The following TBC1D30 variants were observed in gnomAD, a reference collection of about 807,000 sequenced individuals.
TBC1D30 encodes the protein TBC1 domain family, member 30.
TBC1D30 carries 31 observed loss-of-function variants against 63.2 expected under a neutral mutation model. That is an observed-to-expected ratio of 0.49 (90% CI 0.37 to 0.66). The LOEUF is 0.66. Ranked by LOEUF, TBC1D30 falls within the 30% of genes least tolerant of loss-of-function variation. TBC1D30 has a pLI of 0.00. For synonymous variants in TBC1D30, 307 were observed against 361.5 expected (o/e 0.85, Z 1.71); for missense variants, 810 against 953.6 (o/e 0.85, Z 1.98).
intron 8 of TBC1D30, among the ~76,000 whole-genome samples, chr12:64,855,595 A>C (rs894000978): frequency 6.6e-6 from 1 of 152,108 alleles, no homozygotes; most frequent in Admixed American, 6.5e-5. Context: ...TACTTGATCA[A>C]TTCTGCTATT....
intron 8 of TBC1D30, among the ~76,000 whole-genome samples, chr12:64,862,612 C>T (rs567479045): frequency 4.2e-4 from 64 of 152,228 alleles, no homozygotes; most frequent in African/African-American, 1.5e-3. Context: ...TTACTGATAC[C>T]TTGTTACAAA....
intron 8 of TBC1D30, among the ~76,000 whole-genome samples, chr12:64,854,615 C>T (rs1877147423): frequency 6.6e-6 from 1 of 151,966 alleles, no homozygotes; most frequent in Non-Finnish European, 1.5e-5. Context: ...CTGCCTCAGC[C>T]TCCTGAGTAG....
intron 1 of TBC1D30, among the ~76,000 whole-genome samples, chr12:64,774,294 A>G (rs757413562): frequency 3.9e-5 from 6 of 152,230 alleles, no homozygotes; most frequent in Non-Finnish European, 7.3e-5. Flanking sequence ...AGATTATGTA[A>G]AGAGACTGAA....
chr12:64,802,338 G>T (rs1015610439), intron 2 of TBC1D30, among the ~76,000 whole-genome samples: 7 of 152,082 alleles, frequency 4.6e-5, no homozygotes, highest in Non-Finnish European at 7.4e-5. Context: ...GGGCCCTCGA[G>T]CTCTGGGTGG....
intron 10 of TBC1D30, among the ~76,000 whole-genome samples, chr12:64,867,638 C>T (rs928704704): frequency 2.0e-5 from 3 of 151,954 alleles, no homozygotes; most frequent in African/African-American, 7.3e-5. Context: ...TAGCACAGAC[C>T]CTGGCATATA....
intron 2 of TBC1D30, among the ~76,000 whole-genome samples, chr12:64,800,750 A>G (rs1872549224): frequency 6.6e-6 from 1 of 152,200 alleles, no homozygotes; most frequent in Non-Finnish European, 1.5e-5. Context: ...GCAGGGTCTC[A>G]GGGAGATGCA....
Position 64,870,634 on chromosome 12 carries a change from A to G in TBC1D30, c.1324A>G (p.Asn442Asp), listed in dbSNP as rs1004503497. 4 of 1,536,064 alleles carry G rather than the reference A, an allele frequency of 2.6e-6. No homozygotes were observed. In the African/African-American group the frequency reaches 4.1e-5, roughly 16 times the overall value. The change falls in exon 11 of 12, where the codon AAC (asparagine) becomes GAC (aspartate). Residue 442 changes from asparagine (N) to aspartate (D), a missense_variant. Transcript: ENST00000539867. The part of the protein sequence containing the change: ...PNEEQSLRSN[N>D]IAELSPGAIN... Reference sequence around the variant, plus strand: ...TGAGGAGCAGAGTCTGAGATCTAATAACATTGCAGAGCTGAGTCCAGGAGC... The same window carrying G: ...TGAGGAGCAGAGTCTGAGATCTAATGACATTGCAGAGCTGAGTCCAGGAGC...
Position 64,875,131 on chromosome 12 carries a change from T to G in TBC1D30, c.1629T>G (p.Gly543=). The G allele has an allele frequency of 6.5e-7, 1 of 1,536,460 alleles. No individual in the cohort carries two copies. Among genetic ancestry groups the G allele is most frequent in the Non-Finnish European group, 8.7e-7 (1 of 1,146,940 alleles). ...AAKNAVIHIP[G]HTGGKISPVP... is the part of the protein sequence containing the mutation. Reference sequence around the variant, plus strand: ...AGAATGCTGTCATCCACATCCCTGGTCACACAGGAGGGAAAATATCTCCTG... The same window carrying G: ...AGAATGCTGTCATCCACATCCCTGGGCACACAGGAGGGAAAATATCTCCTG... The change falls in exon 12 of 12, where the codon GGT becomes GGG. Residue 543 remains glycine, a synonymous_variant. Coordinates refer to ENST00000539867, the MANE Select transcript of TBC1D30 (RefSeq NM_015279.2).
exon 1 of TBC1D30, chr12:64,780,955 G>A (rs762584373): frequency 4.7e-6 from 5 of 1,057,398 alleles, no homozygotes. Context: ...GGGGAGCGGC[G>A]GAGCGGCCGC....
chr12:64,792,620 A>G (rs1458726722), intron 2 of TBC1D30, among the ~76,000 whole-genome samples: 7 of 152,146 alleles, frequency 4.6e-5, no homozygotes, highest in Non-Finnish European at 4.4e-5. Context: ...CCCAGGCCGG[A>G]GTGCAGTGGT....
In TBC1D30 at chr12:64,875,207, A is replaced by G. The variant is rs1878953295; in HGVS notation, c.1705A>G (p.Ile569Val). ...TKLNSPWRTH[I>V]RVHKKNMPRT... is the part of the protein sequence containing the mutation. ...GCTCAACTCCCCGTGGCGAACTCAC[A>G]TCCGAGTCCACAAAAAGAACATGCC... The change falls in exon 12 of 12, where the codon ATC (isoleucine) becomes GTC (valine). Residue 569 changes from isoleucine to valine, a missense_variant. Physicochemically the swap from Ile to Val is conservative, Grantham distance 29. Around this residue, in one of 4 missense-constraint regions of TBC1D30, gnomAD observed 450 missense variants for 473.0 expected, o/e 0.95. Transcript: ENST00000539867. 2.0e-6 allele frequency: 3 copies of G among 1,536,290 alleles called. No homozygotes were observed. The Admixed American group carries it at 5.9e-5, about 30-fold the overall frequency.
chr12:64,810,089 C>T (rs967681020), intron 2 of TBC1D30, among the ~76,000 whole-genome samples: 21 of 152,158 alleles, frequency 1.4e-4, no homozygotes, highest in African/African-American at 5.1e-4. Context: ...CCACCCTGCT[C>T]CATCTCCTGT....
intron 5 of TBC1D30, among the ~76,000 whole-genome samples, chr12:64,833,702 A>G (rs994271741): frequency 3.3e-5 from 5 of 152,296 alleles, no homozygotes; most frequent in African/African-American, 7.2e-5. Context: ...TCTGTATTCA[A>G]CCTCTCACTT....
chr12:64,809,656 G>A (rs534397115), intron 2 of TBC1D30, among the ~76,000 whole-genome samples: 20 of 152,072 alleles, frequency 1.3e-4, no homozygotes, highest in Admixed American at 1.3e-4. Flanking sequence ...CATTTTTCTC[G>A]AACTATCCGC....
intron 5 of TBC1D30, among the ~76,000 whole-genome samples, chr12:64,835,087 C>A (rs1302615962): frequency 1.3e-5 from 2 of 152,122 alleles, no homozygotes; most frequent in Non-Finnish European, 2.9e-5. Context: ...AACTTGCTCT[C>A]CTCATCAGCT....
chr12:64,841,461 T>TGCCACCTCCAGGCAGACCTTGCCAA (rs1173263320), intron 7 of TBC1D30, among the ~76,000 whole-genome samples: 4 of 152,250 alleles, frequency 2.6e-5, no homozygotes, highest in Non-Finnish European at 5.9e-5. Context: ...ACACTTGCCA[T>TGCCACCTCCAGGCAGACCTTGCCAA]GCCACCTCCA....
intron 2 of TBC1D30, among the ~76,000 whole-genome samples, chr12:64,805,279 C>T (rs1224323565): frequency 6.6e-6 from 1 of 152,142 alleles, no homozygotes; most frequent in African/African-American, 2.4e-5. Context: ...GTGCACCACA[C>T]TCCTATAAAA....
At position 64,824,844 on chromosome 12, in the gene TBC1D30, G is replaced by A. The variant is rs979723841; in HGVS notation, c.-36G>A. 15 of 1,527,000 alleles carry A rather than the reference G, an allele frequency of 9.8e-6. No homozygotes were observed. The highest frequency in any genetic ancestry group is 1.2e-5 in the Non-Finnish European group (14 of 1,142,586). 94.6% of individuals were successfully genotyped at this position (1,527,000 alleles called of 1,614,324 possible). On this transcript the variant is annotated 5_prime_UTR_variant, in exon 1 of 12. Coordinates refer to ENST00000539867, the MANE Select transcript of TBC1D30 (RefSeq NM_015279.2). Reference sequence around the variant, plus strand: ...CGAGTGGGGTAGCGGGGACCGAGACGGACGGTAGCCGTGCCAGAGCCCGGG... The same window carrying A: ...CGAGTGGGGTAGCGGGGACCGAGACAGACGGTAGCCGTGCCAGAGCCCGGG...
In TBC1D30 at chr12:64,825,891, C is replaced by G. The variant is rs545497881; in HGVS notation, c.154+858C>G. ...GCGGGTTCACGGTCCCCGGCCCCCG[C>G]CCCCCAGCGCCAGCGCCTTGGGGAC... On this transcript the variant is annotated intron_variant, in intron 1 of 11. Coordinates refer to ENST00000539867, the MANE Select transcript of TBC1D30 (RefSeq NM_015279.2). Among the ~76,000 whole-genome samples the G allele has an allele frequency of 5.3e-5, 8 of 152,246 alleles. No homozygotes were observed. The South Asian group carries it at 1.7e-3, about 32-fold the overall frequency.
Sources: allele counts gnomAD v4.1 joint callset (sites outside exome capture counted in the v4.1 genomes callset), GRCh38; gene constraint gnomAD v4.1.1; regional missense constraint gnomAD v4.1.1; transcripts MANE v1.5; gene names NCBI Gene and HGNC (gene_info 2026-07-23, HGNC 2026-07-21).